The following CFAP44 variants were observed in gnomAD, a reference collection of about 807,000 sequenced individuals.
CFAP44 encodes cilia- and flagella-associated protein 44.
In CFAP44, 134 loss-of-function variants were observed where a neutral mutation model predicts 216.2. The observed-to-expected ratio is 0.62, with a 90% CI of 0.54 to 0.72. CFAP44 has a LOEUF of 0.72. Ranked by LOEUF, CFAP44 falls within the 30% of genes least tolerant of loss-of-function variation. The probability of loss-of-function intolerance (pLI) is 0.00; values close to 1 mark genes in which losing one functional copy is unlikely to be tolerated. For synonymous variants in CFAP44, 700 were observed against 727.6 expected (o/e 0.96, Z 0.61); for missense variants, 2,035 against 2,182.1 (o/e 0.93, Z 1.34).
rs1015023749 is a variant in CFAP44 at position 113,403,707 on chromosome 3, G to A, written c.1170+145C>T. ...AAGAATGCAAATATTTACCACAAGA[G>A]AAGCATTATTTAAAGTGAGTTGGCC... is the stretch of plus-strand genomic sequence containing the variant. On this transcript the variant is annotated intron_variant, in intron 9 of 34. Transcript: ENST00000393845. 2.7e-5 allele frequency: 23 copies of A among 860,708 alleles called. 1 individual carries two copies. Among genetic ancestry groups the A allele is most frequent in the Non-Finnish European group, 3.6e-5 (22 of 610,764 alleles). 53.3% of individuals were successfully genotyped at this position (860,708 alleles called of 1,614,324 possible). A position where few individuals can be genotyped will look rare whatever the true frequency, so the allele number is the denominator to read the frequency against.
At chr3:113,326,337 G>T in intron 28 of CFAP44, 108 bp downstream of exon 28, 1 of 1,032,702 alleles carries the variant, frequency 9.7e-7, no homozygotes, top group Non-Finnish European at 1.3e-6. Flanking sequence ...TCTCTACATT[G>T]TCCATGTTAT....
intron 24 of CFAP44, among the ~76,000 whole-genome samples, chr3:113,339,552 T>C (rs575087508): frequency 6.6e-6 from 1 of 152,300 alleles, no homozygotes; most frequent in East Asian, 1.9e-4. Context: ...TGGGCCTGTT[T>C]ATGCCATGAA....
chr3:113,401,274 G>A lies in CFAP44; in HGVS notation c.1340C>T (p.Ala447Val), dbSNP rs1934133383. Reference protein sequence around the residue: ...NFWLAQDANGAIWKLDLSFSN... With the variant: ...NFWLAQDANGVIWKLDLSFSN... Reference sequence around the variant, plus strand: ...AAAACTAAGGTCAAGCTTCCATATGGCTCCATTGGCATCCTAAAAAAATTA... The same window carrying A: ...AAAACTAAGGTCAAGCTTCCATATGACTCCATTGGCATCCTAAAAAAATTA... The change falls in exon 11 of 35, where the codon GCC (alanine) becomes GTC (valine). Residue 447 changes from alanine (A) to valine (V), a missense_variant. Transcript: ENST00000393845. 6.3e-7 allele frequency: 1 copy of A among 1,583,146 alleles called. No individual in the cohort carries two copies. The highest frequency in any genetic ancestry group is 8.5e-7 in the Non-Finnish European group (1 of 1,170,528).
intron 13 of CFAP44, 48 bp downstream of exon 13, chr3:113,399,858 C>G: frequency 7.8e-7 from 1 of 1,285,796 alleles, no homozygotes; most frequent in Non-Finnish European, 1.1e-6. Flanking sequence ...CATTGATATA[C>G]CATATTTACC....
chr3:113,375,207 G>A (rs1364919525), intron 17 of CFAP44, among the ~76,000 whole-genome samples: 5 of 152,184 alleles, frequency 3.3e-5, no homozygotes, highest in Non-Finnish European at 7.4e-5. Flanking sequence ...CATTTGATGA[G>A]TATGGGAGTT....
intron 32 of CFAP44, among the ~76,000 whole-genome samples, chr3:113,299,141 G>GA (rs1949910314): frequency 6.6e-6 from 1 of 152,136 alleles, no homozygotes; most frequent in African/African-American, 2.4e-5. Context: ...CAGAATGAGA[G>GA]AAAATATTTG....
intron 1 of CFAP44, among the ~76,000 whole-genome samples, chr3:113,440,427 AG>A (rs1244998644): frequency 6.6e-6 from 1 of 152,212 alleles, no homozygotes; most frequent in East Asian, 1.9e-4. Context: ...TTTACAGATG[AG>A]AAAGCAGCGT....
chr3:113,300,605 T>C (rs549165719), intron 32 of CFAP44, among the ~76,000 whole-genome samples: 66 of 151,724 alleles, frequency 4.4e-4, no homozygotes, highest in African/African-American at 1.4e-3. Context: ...GGAAAACCCA[T>C]AACCAACAAA....
chr3:113,332,713 A>G (rs1950250656), intron 25 of CFAP44, among the ~76,000 whole-genome samples: 1 of 152,226 alleles, frequency 6.6e-6, no homozygotes, highest in Non-Finnish European at 1.5e-5. Flanking sequence ...AGGATGATTG[A>G]AAGTGGTTTG....
chr3:113,293,797 A>C (rs1193494002), intron 34 of CFAP44, among the ~76,000 whole-genome samples: 2 of 152,244 alleles, frequency 1.3e-5, no homozygotes, highest in East Asian at 1.9e-4. Context: ...GGAATAAACA[A>C]CATTGTTTCT....
chr3:113,315,273 G>A (rs1950075986), intron 28 of CFAP44, among the ~76,000 whole-genome samples: 1 of 152,048 alleles, frequency 6.6e-6, no homozygotes, highest in Non-Finnish European at 1.5e-5. Context: ...AGCAAAGCAG[G>A]AGCAGCTATA....
intron 33 of CFAP44, 141 bp from the exon 34 acceptor site, chr3:113,294,962 A>G: frequency 9.7e-7 from 1 of 1,030,094 alleles, no homozygotes; most frequent in South Asian, 1.9e-5. Flanking sequence ...CCAATATGAA[A>G]ATGCAACACA....
rs1008158066 is a variant in CFAP44, at chr3:113,369,156, C to T, written c.2445-2847G>A. 2.0e-5 allele frequency among the ~76,000 whole-genome samples: 3 copies of T among 152,300 alleles called. No individual in the cohort carries two copies. The East Asian group carries it at 5.8e-4, about 29-fold the overall frequency. ...AATAATGGGAGACTTTAATACCCCA[C>T]TGTCATTATTAGATCAACGAGACAG... On this transcript the variant is annotated intron_variant, in intron 18 of 34. Coordinates refer to ENST00000393845, the MANE Select transcript of CFAP44 (RefSeq NM_001164496.2).
chr3:113,311,446 T>G (rs1240361026), intron 28 of CFAP44, among the ~76,000 whole-genome samples: 1 of 152,206 alleles, frequency 6.6e-6, no homozygotes, highest in Non-Finnish European at 1.5e-5. Context: ...TATCAGGGGT[T>G]TCTGCTTTTG....
chr3:113,328,877 C>T (rs58890779), intron 26 of CFAP44, among the ~76,000 whole-genome samples: 5,425 of 152,084 alleles, frequency 0.036, 133 homozygotes, highest in African/African-American at 0.07. Flanking sequence ...AAGGATTACA[C>T]TTGTTTTATT....
intron 33 of CFAP44, among the ~76,000 whole-genome samples, chr3:113,295,176 T>C (rs75847121): frequency 0.018 from 2,801 of 152,328 alleles, 102 homozygotes; most frequent in African/African-American, 0.063. Context: ...TCCCCATCTT[T>C]TCCCAGTCTT....
At chr3:113,423,078 T>C (rs1252039970) in intron 4 of CFAP44, among the ~76,000 whole-genome samples, 1 of 151,746 alleles carries the variant, frequency 6.6e-6, no homozygotes, top group Non-Finnish European at 1.5e-5. Flanking sequence ...ATTCATTAAT[T>C]TGTGCATAAC....
chr3:113,334,773 A>G (rs1251386336), intron 24 of CFAP44, among the ~76,000 whole-genome samples: 1 of 152,230 alleles, frequency 6.6e-6, no homozygotes, highest in African/African-American at 2.4e-5. Context: ...ATTACTCTCT[A>G]CAGAAACTGA....
Position 113,349,889 on chromosome 3 carries a change from A to G in CFAP44, c.3066-5177T>C, listed in dbSNP as rs571942798. On this transcript the variant is annotated intron_variant, in intron 22 of 34. Coordinates refer to ENST00000393845, the MANE Select transcript of CFAP44 (RefSeq NM_001164496.2). The stretch of plus-strand genomic sequence containing the variant: ...AGGAATCCTGGGACAGCCTGTAGCC[A>G]GGTATTTCTCCCACCTCCTCAGTTG... 2.6e-5 allele frequency among the ~76,000 whole-genome samples: 4 copies of G among 152,370 alleles called. No individual in the cohort carries two copies. The East Asian group carries it at 7.7e-4, about 29-fold the overall frequency.
Sources: allele counts gnomAD v4.1 joint callset (sites outside exome capture counted in the v4.1 genomes callset), GRCh38; gene constraint gnomAD v4.1.1; transcripts MANE v1.5; gene names NCBI Gene and HGNC (gene_info 2026-07-23, HGNC 2026-07-21).